The following CDH13 variants were observed in gnomAD, a reference collection of about 807,000 sequenced individuals.
The protein encoded by CDH13 is cadherin-13.
A neutral mutation model predicts 63.8 loss-of-function variants in CDH13; 24 were observed. That is an observed-to-expected ratio of 0.38 (90% CI 0.27 to 0.53). The LOEUF (loss-of-function observed/expected upper bound fraction) is 0.53, where lower values mean the gene tolerates loss of function less well. Among genes scored for constraint, CDH13 ranks in the 20% least tolerant of loss-of-function variants. The probability of loss-of-function intolerance (pLI) is 0.85; values close to 1 mark genes in which losing one functional copy is unlikely to be tolerated. For synonymous variants in CDH13, 503 were observed against 355.3 expected (o/e 1.42, Z -4.67); for missense variants, 1,049 against 903.1 (o/e 1.16, Z -2.07).
intron 1 of CDH13, among the ~76,000 whole-genome samples, chr16:82,711,788 A>G (rs542361165): frequency 6.6e-6 from 1 of 152,338 alleles, no homozygotes; most frequent in South Asian, 2.1e-4. Flanking sequence ...GATAAGGACA[A>G]CCGGTGATGC....
intron 6 of CDH13, among the ~76,000 whole-genome samples, chr16:83,413,405 A>G (rs1403380203): frequency 6.6e-6 from 1 of 152,132 alleles, no homozygotes; most frequent in African/African-American, 2.4e-5. Context: ...CTCCTCCTCC[A>G]TAGTCCATCA....
intron 4 of CDH13, among the ~76,000 whole-genome samples, chr16:83,134,583 G>GAGAGAGAA (rs1567863474): frequency 1.8e-4 from 11 of 59,764 alleles, no homozygotes; most frequent in African/African-American, 1.2e-3. Flanking sequence ...GAGAGAGAGA[G>GAGAGAGAA]AGAGAGAGAG....
intron 1 of CDH13, among the ~76,000 whole-genome samples, chr16:82,794,580 T>C (rs1453133078): frequency 6.6e-6 from 1 of 152,056 alleles, no homozygotes; most frequent in Admixed American, 6.6e-5. Flanking sequence ...GCACATTTGG[T>C]TAATTTAGAA....
At chr16:83,340,280 A>G (rs1300806825) in intron 5 of CDH13, among the ~76,000 whole-genome samples, 3 of 149,240 alleles carry the variant, frequency 2.0e-5, no homozygotes, top group African/African-American at 7.4e-5. Context: ...TCTGTGGTAC[A>G]TGTACATATG....
At chr16:82,731,671 A>G (rs1026655851) in intron 1 of CDH13, among the ~76,000 whole-genome samples, 1 of 152,232 alleles carries the variant, frequency 6.6e-6, no homozygotes, top group African/African-American at 2.4e-5. Context: ...TCTAACTGTA[A>G]GTTGGCTACA....
chr16:83,364,210 C>T (rs1003351858), intron 6 of CDH13, among the ~76,000 whole-genome samples: 2 of 152,234 alleles, frequency 1.3e-5, no homozygotes, highest in African/African-American at 4.8e-5. Context: ...TTAAGATAGA[C>T]ATAATAAGTC....
At position 83,563,979 on chromosome 16, in the gene CDH13, T is replaced by A. The variant is rs1189312500; in HGVS notation, c.961-38475T>A. ...TGTCTTCACAGCCTGCCTGTATGAC[T>A]GGGATAAACAACCTTAACCATTAGT... is the stretch of plus-strand genomic sequence containing the variant. On this transcript the variant is annotated intron_variant, in intron 7 of 13. Transcript: ENST00000567109. Among the ~76,000 whole-genome samples the A allele has an allele frequency of 2.0e-5, 3 of 152,226 alleles. No individual in the cohort carries two copies. The East Asian group carries it at 5.8e-4, about 29-fold the overall frequency.
chr16:82,948,453 A>G (rs1038666173), intron 2 of CDH13, among the ~76,000 whole-genome samples: 8 of 152,194 alleles, frequency 5.3e-5, no homozygotes, highest in African/African-American at 1.9e-4. Context: ...TGTCTTCATC[A>G]CAGTCCCAAA....
intron 2 of CDH13, among the ~76,000 whole-genome samples, chr16:82,871,289 G>T (rs900817830): frequency 6.6e-6 from 1 of 152,206 alleles, no homozygotes; most frequent in Non-Finnish European, 1.5e-5. Flanking sequence ...CTTTCTGGAA[G>T]TTCAGAATAG....
At chr16:83,413,799 C>A (rs979129187) in intron 6 of CDH13, among the ~76,000 whole-genome samples, 1 of 151,978 alleles carries the variant, frequency 6.6e-6, no homozygotes, top group Non-Finnish European at 1.5e-5. Flanking sequence ...TCCAGCCTGG[C>A]CAACATGGTA....
intron 2 of CDH13, among the ~76,000 whole-genome samples, chr16:82,864,350 A>G (rs1372254328): frequency 1.3e-5 from 2 of 152,200 alleles, no homozygotes; most frequent in South Asian, 2.1e-4. Flanking sequence ...TCATACTTCT[A>G]TAAAGAACTA....
At chr16:83,511,126 ATGTG>A (rs1567724762) in intron 7 of CDH13, among the ~76,000 whole-genome samples, 5 of 130,552 alleles carry the variant, frequency 3.8e-5, no homozygotes, top group Non-Finnish European at 8.5e-5. Context: ...ACACATGCAC[ATGTG>A]CACACATGCA....
At chr16:82,918,763 C>T (rs1428533108) in intron 2 of CDH13, among the ~76,000 whole-genome samples, 4 of 152,086 alleles carry the variant, frequency 2.6e-5, no homozygotes, top group Non-Finnish European at 4.4e-5. Flanking sequence ...CCTACCTCAA[C>T]CCCCCGACAA....
intron 1 of CDH13, among the ~76,000 whole-genome samples, chr16:82,790,891 A>G (rs2036265087): frequency 6.6e-6 from 1 of 152,184 alleles, no homozygotes; most frequent in Non-Finnish European, 1.5e-5. Flanking sequence ...CCCTTGACAT[A>G]TGTGGATTGT....
intron 3 of CDH13, among the ~76,000 whole-genome samples, chr16:83,048,710 T>G (rs2029922416): frequency 6.6e-6 from 1 of 152,148 alleles, no homozygotes; most frequent in South Asian, 2.1e-4. Flanking sequence ...TCCCTTCACT[T>G]GTACCCTTGA....
intron 1 of CDH13, among the ~76,000 whole-genome samples, chr16:82,728,651 G>A (rs764807059): frequency 2.0e-5 from 3 of 152,116 alleles, no homozygotes; most frequent in Non-Finnish European, 4.4e-5. Context: ...TGACATTGAT[G>A]GTTTCTGGCT....
At chr16:83,087,946 T>C (rs1200638758) in intron 3 of CDH13, among the ~76,000 whole-genome samples, 1 of 152,134 alleles carries the variant, frequency 6.6e-6, no homozygotes, top group East Asian at 1.9e-4. Context: ...GAACACTCAC[T>C]TTGGAATAGG....
chr16:83,437,737 A>G (rs777571649), intron 6 of CDH13, among the ~76,000 whole-genome samples: 53 of 152,326 alleles, frequency 3.5e-4, no homozygotes, highest in South Asian at 8.3e-4. Flanking sequence ...GTCAGAAAAA[A>G]AATAACATTC....
chr16:83,360,929 C>T (rs909953370), intron 6 of CDH13, among the ~76,000 whole-genome samples: 1 of 152,154 alleles, frequency 6.6e-6, no homozygotes, highest in Non-Finnish European at 1.5e-5. Flanking sequence ...GTGCATGTGT[C>T]TTTTTGGTAG....
Sources: allele counts gnomAD v4.1 joint callset (sites outside exome capture counted in the v4.1 genomes callset), GRCh38; gene constraint gnomAD v4.1.1; transcripts MANE v1.5; gene names NCBI Gene and HGNC (gene_info 2026-07-23, HGNC 2026-07-21).